The following KLHL1 variants were observed in gnomAD, a reference collection of about 807,000 sequenced individuals.
KLHL1 encodes kelch like family member 1.
KLHL1 carries 47 observed loss-of-function variants against 77.7 expected under a neutral mutation model. The ratio of observed to expected loss-of-function variants is 0.60; its 90% CI spans 0.48 to 0.77. The LOEUF (loss-of-function observed/expected upper bound fraction) is 0.77, where lower values mean the gene tolerates loss of function less well. Ranked by LOEUF, KLHL1 falls within the 30% of genes least tolerant of loss-of-function variation. The pLI, the probability that KLHL1 is intolerant of heterozygous loss-of-function variation, is 0.00. For synonymous variants in KLHL1, 360 were observed against 325.2 expected, an observed-to-expected ratio of 1.11 and a Z score of -1.15; for missense variants, 925 against 910.8, an observed-to-expected ratio of 1.02 and a Z score of -0.20.
intron 1 of KLHL1, among the ~76,000 whole-genome samples, chr13:69,987,246 G>A (rs929794243): frequency 2.0e-5 from 3 of 151,966 alleles, no homozygotes; most frequent in Non-Finnish European, 4.4e-5. Context: ...CCAGAATAGA[G>A]TGAAAAGGTA....
At chr13:69,716,303 G>T (rs1340461972) in intron 9 of KLHL1, among the ~76,000 whole-genome samples, 1 of 151,894 alleles carries the variant, frequency 6.6e-6, no homozygotes, top group Non-Finnish European at 1.5e-5. Flanking sequence ...ATACATTCTT[G>T]TTATGTGCCT....
At chr13:70,041,621 C>T (rs1886382395) in intron 1 of KLHL1, among the ~76,000 whole-genome samples, 1 of 151,726 alleles carries the variant, frequency 6.6e-6, no homozygotes, top group South Asian at 2.1e-4. Flanking sequence ...CATCCACTGA[C>T]ACAGTGGAGG....
chr13:69,752,300 G>T (rs17085322), intron 7 of KLHL1, among the ~76,000 whole-genome samples: 8,326 of 152,048 alleles, frequency 0.055, 320 homozygotes, highest in African/African-American at 0.11. Context: ...AATGCACCCC[G>T]TTGCCTCTAT....
At chr13:69,774,546 A>G (rs1482565604) in intron 7 of KLHL1, among the ~76,000 whole-genome samples, 1 of 151,800 alleles carries the variant, frequency 6.6e-6, no homozygotes, top group East Asian at 1.9e-4. Flanking sequence ...CTTTCCTTTT[A>G]TCTCAAAGTT....
Position 70,094,393 on chromosome 13 carries a change from T to TTATATATATATATATATATATATATA in KLHL1, c.497+12809_497+12810insTATATATATATATATATATATATATA, listed in dbSNP as rs369471818. ...TGAAACAAATACAATGCAATCATCT[T>TTATATATATATATATATATATATATA]TATATATATATATATATGAATATAT... On this transcript the variant is annotated intron_variant, in intron 1 of 10. Transcript: ENST00000377844. 8.0e-3 allele frequency among the ~76,000 whole-genome samples: 1,090 copies of TTATATATATATATATATATATATATA among 136,460 alleles called. 49 individuals are homozygous for TTATATATATATATATATATATATATA. The highest frequency in any genetic ancestry group is 0.03 in the African/African-American group (931 of 31,054). 89.5% of individuals were successfully genotyped at this position (136,460 alleles called of 152,430 possible).
chr13:69,905,799 A>T (rs921822756), intron 4 of KLHL1, among the ~76,000 whole-genome samples: 1 of 152,082 alleles, frequency 6.6e-6, no homozygotes, highest in Admixed American at 6.6e-5. Context: ...AATTCAGGGA[A>T]TCTACAAAAG....
intron 5 of KLHL1, among the ~76,000 whole-genome samples, chr13:69,855,349 C>G (rs77654564): frequency 0.066 from 5,821 of 87,636 alleles, 174 homozygotes; most frequent in African/African-American, 0.11. Context: ...GATAGATAGA[C>G]AGACAGATAG....
intron 8 of KLHL1, among the ~76,000 whole-genome samples, chr13:69,724,258 C>G (rs1006234949): frequency 6.6e-6 from 1 of 151,990 alleles, no homozygotes; most frequent in East Asian, 1.9e-4. Flanking sequence ...TATTACGTCT[C>G]CATAAAATGT....
At chr13:69,899,134 T>G (rs1034846732) in intron 4 of KLHL1, among the ~76,000 whole-genome samples, 2 of 149,862 alleles carry the variant, frequency 1.3e-5, no homozygotes, top group Non-Finnish European at 3.0e-5. Flanking sequence ...AGAAAAAAAA[T>G]GAGGCACAAA....
intron 6 of KLHL1, among the ~76,000 whole-genome samples, chr13:69,798,572 T>C (rs1332337698): frequency 6.6e-6 from 1 of 152,030 alleles, no homozygotes; most frequent in South Asian, 2.1e-4. Flanking sequence ...TATTCAATAC[T>C]GTTTATTAAC....
intron 6 of KLHL1, among the ~76,000 whole-genome samples, chr13:69,814,292 A>G (rs912148486): frequency 6.6e-6 from 1 of 152,222 alleles, no homozygotes; most frequent in South Asian, 2.1e-4. Context: ...CATAAAAATC[A>G]TAGAACAATA....
intron 6 of KLHL1, among the ~76,000 whole-genome samples, chr13:69,816,191 T>C (rs965309051): frequency 6.6e-6 from 1 of 151,936 alleles, no homozygotes; most frequent in Non-Finnish European, 1.5e-5. Context: ...ATTAAATCAA[T>C]GCAACATTTT....
intron 9 of KLHL1, among the ~76,000 whole-genome samples, chr13:69,714,955 C>T (rs75720382): frequency 0.022 from 3,406 of 152,118 alleles, 133 homozygotes; most frequent in African/African-American, 0.079. Context: ...TTTGTATTTC[C>T]ACAGAATCCT....
chr13:70,080,744 G>A (rs1022580035), intron 1 of KLHL1, among the ~76,000 whole-genome samples: 18 of 151,720 alleles, frequency 1.2e-4, no homozygotes, highest in Non-Finnish European at 1.8e-4. Flanking sequence ...CTACACATGC[G>A]CACCACCACA....
chr13:69,784,735 G>T (rs1226190344), intron 7 of KLHL1, among the ~76,000 whole-genome samples: 1 of 151,518 alleles, frequency 6.6e-6, no homozygotes, highest in Non-Finnish European at 1.5e-5. Context: ...CAATAATAAT[G>T]GGAGACTTTA....
intron 4 of KLHL1, among the ~76,000 whole-genome samples, chr13:69,895,671 A>C (rs1881607640): frequency 6.7e-6 from 1 of 149,310 alleles, no homozygotes; most frequent in Non-Finnish European, 1.5e-5. Context: ...AGGTTCCTTA[A>C]TTTTTGGAAT....
chr13:69,776,554 A>G (rs1360972124), intron 7 of KLHL1, among the ~76,000 whole-genome samples: 2 of 152,208 alleles, frequency 1.3e-5, no homozygotes, highest in East Asian at 3.8e-4. Flanking sequence ...TTGCTTTAGC[A>G]TTCCATTACC....
At chr13:69,781,667 A>C (rs1022569629) in intron 7 of KLHL1, among the ~76,000 whole-genome samples, 1 of 152,122 alleles carries the variant, frequency 6.6e-6, no homozygotes, top group Non-Finnish European at 1.5e-5. Flanking sequence ...TACCCATGAT[A>C]TTCTGAAATA....
chr13:69,846,171 A>C (rs1461767158), intron 5 of KLHL1, among the ~76,000 whole-genome samples: 1 of 151,540 alleles, frequency 6.6e-6, no homozygotes. Flanking sequence ...GTATATACAA[A>C]TTTTAGGATA....
Sources: gnomAD v4.1 joint callset for allele counts (sites outside exome capture counted in the v4.1 genomes callset) on GRCh38, gnomAD v4.1.1 for gene constraint, MANE v1.5 for transcripts, NCBI Gene and HGNC (gene_info 2026-07-23, HGNC 2026-07-21) for gene names.